The following PREX2 variants were observed in gnomAD, a reference collection of about 807,000 sequenced individuals.
The protein encoded by PREX2 is phosphatidylinositol-3,4,5-trisphosphate dependent Rac exchange factor 2.
PREX2 carries 107 observed loss-of-function variants against 203.2 expected under a neutral mutation model. The observed-to-expected ratio is 0.53, with a 90% CI of 0.45 to 0.62. PREX2 has a LOEUF of 0.62. PREX2 is among the 20% of genes least tolerant of loss of function. The pLI, the probability that PREX2 is intolerant of heterozygous loss-of-function variation, is 0.00. For synonymous variants in PREX2, 672 were observed against 663.6 expected (o/e 1.01, Z -0.19); for missense variants, 1,777 against 1,955.9 (o/e 0.91, Z 1.72).
At chr8:68,032,592 G>C (rs1807916420) in intron 6 of PREX2, among the ~76,000 whole-genome samples, 1 of 152,144 alleles carries the variant, frequency 6.6e-6, no homozygotes, top group Non-Finnish European at 1.5e-5. Flanking sequence ...TTGGTTTTCA[G>C]GCCTGGTCCC....
intron 35 of PREX2, among the ~76,000 whole-genome samples, chr8:68,183,996 T>G (rs148503968): frequency 1.9e-3 from 294 of 152,272 alleles, no homozygotes; most frequent in Non-Finnish European, 3.1e-3. Flanking sequence ...GTGCTCCATT[T>G]TTGTCAGGCC....
chr8:68,105,421 AT>A (rs1419557588), intron 23 of PREX2: 1 of 1,263,028 alleles, frequency 7.9e-7, no homozygotes, highest in African/African-American at 1.5e-5. Context: ...CCTTCCTAGC[AT>A]GTGGGCAGGG....
intron 8 of PREX2, among the ~76,000 whole-genome samples, chr8:68,051,617 A>G (rs779405359): frequency 2.0e-5 from 3 of 152,154 alleles, no homozygotes; most frequent in Non-Finnish European, 4.4e-5. Flanking sequence ...GTAATTATGA[A>G]GTAATATTCT....
chr8:68,191,644 A>G, intron 35 of PREX2, 78 bp from the exon 36 acceptor site: 1 of 1,031,206 alleles, frequency 9.7e-7, no homozygotes, highest in Admixed American at 1.9e-5. Flanking sequence ...AAAAAAAGTC[A>G]GTGATTCTTG....
At chr8:68,025,188 T>C (rs560566346) in intron 4 of PREX2, among the ~76,000 whole-genome samples, 2 of 152,126 alleles carry the variant, frequency 1.3e-5, no homozygotes, top group East Asian at 3.9e-4. Context: ...ATAACTTTGC[T>C]CAGTCTTTTT....
intron 35 of PREX2, among the ~76,000 whole-genome samples, chr8:68,167,979 G>T (rs1055970406): frequency 1.3e-5 from 2 of 152,204 alleles, no homozygotes; most frequent in African/African-American, 4.8e-5. Flanking sequence ...AATAAACTTG[G>T]TGGGTGATTC....
chr8:68,105,113 A>G lies in PREX2; in HGVS notation c.2716-2996A>G, dbSNP rs181977878. ...CTCATGCATGAACCACCATCAATTCAAGAACTGTACCTTCCATATTTTAGG... is the reference window on the plus strand; with the variant it reads ...CTCATGCATGAACCACCATCAATTCGAGAACTGTACCTTCCATATTTTAGG... On this transcript the variant is annotated intron_variant, in intron 23 of 39. Transcript: ENST00000288368. The G allele has an allele frequency of 2.7e-4, 369 of 1,365,268 alleles. No homozygotes were observed. In the African/African-American group the frequency reaches 5.1e-3, roughly 19 times the overall value. The allele number at this position is 1,365,268 out of a possible 1,614,324, so 84.6% of individuals were successfully genotyped here. A position where few individuals can be genotyped will look rare whatever the true frequency, so the allele number is the denominator to read the frequency against.
chr8:68,072,649 CT>C, intron 14 of PREX2, 79 bp downstream of exon 14: 3 of 783,736 alleles, frequency 3.8e-6, no homozygotes, highest in Non-Finnish European at 6.6e-6. Context: ...GACCTTTATT[CT>C]TTTTCATCTG....
chr8:68,215,302 T>C (rs1207231751), intron 37 of PREX2, among the ~76,000 whole-genome samples: 1 of 152,158 alleles, frequency 6.6e-6, no homozygotes, highest in Non-Finnish European at 1.5e-5. Flanking sequence ...ACACGAGAGA[T>C]AAAGCAAGTT....
rs529243510 is a variant in PREX2, at chr8:67,981,821, C to A, written c.141+29286C>A. The stretch of plus-strand genomic sequence containing the variant: ...GTGAGCCCTGGGCATGAGGTAAGAA[C>A]TATGTGCTGTGAGGTTTTCTTAGTG... On this transcript the variant is annotated intron_variant, in intron 1 of 39. Transcript: ENST00000288368. 3.3e-5 allele frequency among the ~76,000 whole-genome samples: 5 copies of A among 152,290 alleles called. No individual in the cohort carries two copies. In the South Asian group the frequency reaches 1.0e-3, roughly 32 times the overall value.
chr8:68,149,081 GA>G (rs1351115780), intron 34 of PREX2, among the ~76,000 whole-genome samples: 3 of 152,138 alleles, frequency 2.0e-5, no homozygotes, highest in Non-Finnish European at 2.9e-5. Context: ...AAAAATAGAA[GA>G]AATGGATGAA....
chr8:68,093,788 C>G, intron 21 of PREX2, 66 bp downstream of exon 21: 1 of 805,018 alleles, frequency 1.2e-6, no homozygotes, highest in Non-Finnish European at 2.0e-6. Context: ...GTGCCTACTC[C>G]CAAATATTGA....
At chr8:68,051,872 G>A (rs866605629) in intron 8 of PREX2, among the ~76,000 whole-genome samples, 1 of 152,086 alleles carries the variant, frequency 6.6e-6, no homozygotes, top group Non-Finnish European at 1.5e-5. Flanking sequence ...AATGTCTAAT[G>A]TCATTCTATT....
At chr8:68,139,508 A>T (rs1053530108) in intron 33 of PREX2, among the ~76,000 whole-genome samples, 1 of 152,124 alleles carries the variant, frequency 6.6e-6, no homozygotes, top group African/African-American at 2.4e-5. Flanking sequence ...TTGCTTCCTA[A>T]CCATGACATT....
chr8:68,063,370 T>C (rs1199757036), intron 11 of PREX2, among the ~76,000 whole-genome samples: 1 of 152,046 alleles, frequency 6.6e-6, no homozygotes, highest in South Asian at 2.1e-4. Flanking sequence ...GCCAAGGACA[T>C]GTACACAAAA....
chr8:67,975,694 CT>C lies in PREX2; in HGVS notation c.141+23186del, dbSNP rs67614434. ...TCAGGATAGTAACTGATTTCTCTTT[CT>C]TTTTTTTTTTTTTTTTTTTTTTTTT... On this transcript the variant is annotated intron_variant, in intron 1 of 39. Transcript: ENST00000288368. Among the ~76,000 whole-genome samples, 452 of 75,002 alleles carry C rather than the reference CT, an allele frequency of 6.0e-3. 45 individuals are homozygous for C. Among genetic ancestry groups the C allele is most frequent in the Admixed American group, 0.039 (203 of 5,178 alleles). 49.2% of individuals were successfully genotyped at this position (75,002 alleles called of 152,430 possible).
rs554804039 is a variant in PREX2 at position 68,149,573 on chromosome 8, T to G, written c.4231+3221T>G. On this transcript the variant is annotated intron_variant, in intron 34 of 39. Transcript: ENST00000288368. ...CTTGGTGAGATAAAGCAAGCAACTA[T>G]AAGTTGGCAGAAAATGAGAGTACAA... is the stretch of plus-strand genomic sequence containing the variant. Among the ~76,000 whole-genome samples the G allele has an allele frequency of 2.0e-4, 30 of 152,254 alleles. No homozygotes were observed. In the South Asian group the frequency reaches 6.0e-3, roughly 31 times the overall value.
chr8:68,033,596 A>G (rs1471576124), intron 6 of PREX2, among the ~76,000 whole-genome samples: 1 of 152,178 alleles, frequency 6.6e-6, no homozygotes, highest in African/African-American at 2.4e-5. Context: ...GTGTCTAGGC[A>G]GCTGAAACTA....
intron 1 of PREX2, among the ~76,000 whole-genome samples, chr8:67,968,876 T>C (rs1352754643): frequency 6.6e-6 from 1 of 152,198 alleles, no homozygotes; most frequent in Admixed American, 6.5e-5. Context: ...ATGCAAAGGA[T>C]ACGGGTGAAC....
Sources: allele counts gnomAD v4.1 joint callset (sites outside exome capture counted in the v4.1 genomes callset), GRCh38; gene constraint gnomAD v4.1.1; transcripts MANE v1.5; gene names NCBI Gene and HGNC (gene_info 2026-07-23, HGNC 2026-07-21).